SMYD3: variants seen among roughly 807,000 people sequenced by gnomAD.
SMYD3 encodes histone-lysine N-methyltransferase SMYD3.
SMYD3 carries 36 observed loss-of-function variants against 57.7 expected under a neutral mutation model. The observed-to-expected ratio is 0.62, with a 90% CI of 0.48 to 0.82. The LOEUF is 0.82. Ranked by LOEUF, SMYD3 falls within the 40% of genes least tolerant of loss-of-function variation. The pLI is 0.00. For missense variants in SMYD3, 515 were observed against 538.8 expected, an observed-to-expected ratio of 0.96 and a Z score of 0.44; for synonymous variants, 211 against 195.0, an observed-to-expected ratio of 1.08 and a Z score of -0.68.
At chr1:246,196,445 G>A (rs1389783293) in intron 5 of SMYD3, among the ~76,000 whole-genome samples, 1 of 152,048 alleles carries the variant, frequency 6.6e-6, no homozygotes, top group African/African-American at 2.4e-5. Context: ...AGCACAAAAG[G>A]CAAAATCTTC....
At chr1:246,148,358 A>C (rs747374911) in intron 5 of SMYD3, among the ~76,000 whole-genome samples, 8 of 152,088 alleles carry the variant, frequency 5.3e-5, no homozygotes, top group Non-Finnish European at 7.4e-5. Flanking sequence ...CACCATCTCC[A>C]GGGCCTCCTC....
chr1:246,032,816 C>T (rs186855457), intron 5 of SMYD3, among the ~76,000 whole-genome samples: 41 of 152,254 alleles, frequency 2.7e-4, no homozygotes, highest in African/African-American at 8.7e-4. Flanking sequence ...GCAGAGTCCT[C>T]ACTGGAAAAG....
chr1:246,107,372 A>G (rs1274834994), intron 5 of SMYD3, among the ~76,000 whole-genome samples: 1 of 152,188 alleles, frequency 6.6e-6, no homozygotes, highest in Non-Finnish European at 1.5e-5. Context: ...TGAAGCCAAC[A>G]TATCTCATCA....
At chr1:246,325,990 A>G (rs1395322208) in intron 5 of SMYD3, 1 of 161,534 alleles carries the variant, frequency 6.2e-6, no homozygotes, top group African/African-American at 2.4e-5. Flanking sequence ...TTTTGAAATC[A>G]ATTTTAAATT....
At chr1:246,076,453 A>C (rs1361334708) in intron 5 of SMYD3, among the ~76,000 whole-genome samples, 2 of 152,096 alleles carry the variant, frequency 1.3e-5, no homozygotes, top group Non-Finnish European at 2.9e-5. Flanking sequence ...CATTTTATTC[A>C]AGACAGAATA....
At chr1:245,838,286 A>C (rs1461097700) in intron 10 of SMYD3, among the ~76,000 whole-genome samples, 1 of 152,202 alleles carries the variant, frequency 6.6e-6, no homozygotes. Context: ...CCCTCCCATG[A>C]AGAGTCAGCA....
chr1:246,234,654 C>T (rs771226831), intron 5 of SMYD3, among the ~76,000 whole-genome samples: 5 of 151,532 alleles, frequency 3.3e-5, no homozygotes, highest in Non-Finnish European at 7.4e-5. Flanking sequence ...ATGTAGTTTA[C>T]ATTTTAGTAT....
intron 1 of SMYD3, among the ~76,000 whole-genome samples, chr1:246,479,877 TA>T (rs1186019608): frequency 6.6e-6 from 1 of 152,160 alleles, no homozygotes; most frequent in Admixed American, 6.5e-5. Flanking sequence ...GGCTGGCACG[TA>T]AAGTCTCACA....
At chr1:246,471,268 GGCTCACTGCA>G (rs780375260) in intron 1 of SMYD3, among the ~76,000 whole-genome samples, 17 of 152,178 alleles carry the variant, frequency 1.1e-4, no homozygotes, top group African/African-American at 3.6e-4. Flanking sequence ...GTATGATCAT[GGCTCACTGCA>G]GCCTCCAACT....
At chr1:245,825,995 A>AG (rs2049462177) in intron 10 of SMYD3, among the ~76,000 whole-genome samples, 1 of 17,548 alleles carries the variant, frequency 5.7e-5, no homozygotes, top group African/African-American at 9.0e-5. Flanking sequence ...CTGCTCCTAC[A>AG]TCTAGTACCT....
intron 5 of SMYD3, among the ~76,000 whole-genome samples, chr1:246,187,281 C>A (rs2062657282): frequency 7.4e-6 from 1 of 134,454 alleles, no homozygotes. Context: ...GAGTGAGACT[C>A]TGTCTCAAAA....
chr1:246,420,663 T>G (rs2067129137), intron 1 of SMYD3, among the ~76,000 whole-genome samples: 1 of 152,236 alleles, frequency 6.6e-6, no homozygotes, highest in Non-Finnish European at 1.5e-5. Context: ...TATCTGATCT[T>G]TGGCTTGTTC....
intron 1 of SMYD3, among the ~76,000 whole-genome samples, chr1:246,453,399 T>C (rs997582630): frequency 6.6e-6 from 1 of 152,214 alleles, no homozygotes; most frequent in Non-Finnish European, 1.5e-5. Context: ...AGTACAGTGG[T>C]GGATTACAAA....
At chr1:246,227,955 C>A in intron 5 of SMYD3, among the ~76,000 whole-genome samples, 1 of 130,464 alleles carries the variant, frequency 7.7e-6, no homozygotes, top group Non-Finnish European at 1.6e-5. Context: ...TATTTTTATT[C>A]CTTTTTTTTT....
In SMYD3 at chr1:246,427,534, TA is replaced by T. The variant is rs1298094686; in HGVS notation, c.165-72441del. ...GACTCCGTCTCAAAAAAAAAAAAAA[TA>T]AAAAAAAATAAATGTGAGCATACAT... On this transcript the variant is annotated intron_variant, in intron 1 of 11. Transcript: ENST00000490107. 1.2e-3 allele frequency among the ~76,000 whole-genome samples: 101 copies of T among 81,292 alleles called. 1 individual carries two copies. The highest frequency in any genetic ancestry group is 4.8e-3 in the African/African-American group (99 of 20,694). The allele number at this position is 81,292 out of a possible 152,430, so 53.3% of individuals were successfully genotyped here.
At chr1:246,012,320 AT>A (rs1358858050) in intron 5 of SMYD3, among the ~76,000 whole-genome samples, 1 of 152,192 alleles carries the variant, frequency 6.6e-6, no homozygotes. Context: ...TTGATAGACT[AT>A]TTTATAGCAA....
chr1:246,296,836 T>C (rs2064803611), intron 5 of SMYD3, among the ~76,000 whole-genome samples: 1 of 152,208 alleles, frequency 6.6e-6, no homozygotes, highest in Admixed American at 6.5e-5. Flanking sequence ...CATTTATGTA[T>C]TATTGTACTA....
chr1:246,355,945 C>A lies in SMYD3; in HGVS notation c.165-851G>T, dbSNP rs182120222. Among the ~76,000 whole-genome samples the A allele has an allele frequency of 5.9e-5, 9 of 152,270 alleles. No individual in the cohort carries two copies. In the East Asian group the frequency reaches 1.7e-3, roughly 29 times the overall value. On this transcript the variant is annotated intron_variant, in intron 1 of 11. Coordinates refer to ENST00000490107, the MANE Select transcript of SMYD3 (RefSeq NM_001167740.2). The surrounding 1 kb of genome is among the most constrained non-coding windows in gnomAD (Gnocchi z 5.0). ...TAAGAAACCTGAATAGGTAACCAGG[C>A]GACCTTAGGGCAAGTTTGCTTCCTC...
At chr1:246,318,176 A>G (rs1474735981) in intron 5 of SMYD3, among the ~76,000 whole-genome samples, 1 of 152,162 alleles carries the variant, frequency 6.6e-6, no homozygotes, top group Non-Finnish European at 1.5e-5. Context: ...TGAGCCCAGG[A>G]CTTCAAGACC....
Sources: gnomAD v4.1 joint callset for allele counts (sites outside exome capture counted in the v4.1 genomes callset) on GRCh38, gnomAD v4.1.1 for gene constraint, Gnocchi (gnomAD v3.1) non-coding constraint, MANE v1.5 for transcripts, NCBI Gene and HGNC (gene_info 2026-07-23, HGNC 2026-07-21) for gene names.